STPG2: variants seen among roughly 807,000 people sequenced by gnomAD.
STPG2 encodes sperm-tail PG-rich repeat-containing protein 2.
A neutral mutation model predicts 54.2 loss-of-function variants in STPG2; 56 were observed. The ratio of observed to expected loss-of-function variants is 1.03; its 90% confidence interval spans 0.83 to 1.29. The LOEUF (loss-of-function observed/expected upper bound fraction) is 1.29, where lower values mean the gene tolerates loss of function less well. Ranked by LOEUF, STPG2 falls within the 50% of genes most tolerant of loss-of-function variation. The pLI, the probability that STPG2 is intolerant of heterozygous loss-of-function variation, is 0.00. For missense variants in STPG2, 596 were observed against 544.9 expected, an observed-to-expected ratio of 1.09 and a Z score of -0.93; for synonymous variants, 200 against 181.8, an observed-to-expected ratio of 1.10 and a Z score of -0.81.
At chr4:97,446,685 T>C (rs1729230368) in intron 4 of STPG2, among the ~76,000 whole-genome samples, 2 of 152,180 alleles carry the variant, frequency 1.3e-5, no homozygotes, top group Non-Finnish European at 2.9e-5. Flanking sequence ...GATGGTTTTA[T>C]AAGTGTTGGC....
chr4:97,973,587 G>T (rs531858655), intron 6 of STPG2, among the ~76,000 whole-genome samples: 1 of 152,324 alleles, frequency 6.6e-6, no homozygotes, highest in East Asian at 1.9e-4. Flanking sequence ...TATGTCAGAG[G>T]TCTTCATGGC....
intron 8 of STPG2, among the ~76,000 whole-genome samples, chr4:97,893,515 T>C (rs537025616): frequency 1.3e-5 from 2 of 152,048 alleles, no homozygotes; most frequent in African/African-American, 4.8e-5. Flanking sequence ...ATTTAAGCTC[T>C]TCCAACTCAC....
chr4:97,856,658 T>A (rs189188695), intron 8 of STPG2, among the ~76,000 whole-genome samples: 61 of 152,310 alleles, frequency 4.0e-4, no homozygotes, highest in Non-Finnish European at 7.4e-4. Context: ...TATTTCTTTT[T>A]CTTGCTTGAT....
chr4:97,647,610 G>A (rs1211592658), intron 10 of STPG2, among the ~76,000 whole-genome samples: 2 of 151,996 alleles, frequency 1.3e-5, no homozygotes, highest in African/African-American at 2.4e-5. Flanking sequence ...TGCTTTCTTG[G>A]AGTCAAGGTC....
intron 4 of STPG2, among the ~76,000 whole-genome samples, chr4:97,552,628 A>C (rs1731989878): frequency 1.3e-5 from 2 of 152,158 alleles, no homozygotes; most frequent in African/African-American, 2.4e-5. Context: ...TAGAGGACAC[A>C]CAAAACATAT....
chr4:97,932,493 G>C (rs900134615), intron 8 of STPG2, among the ~76,000 whole-genome samples: 5 of 152,210 alleles, frequency 3.3e-5, no homozygotes, highest in African/African-American at 1.2e-4. Context: ...ACATGCATTA[G>C]CTATTTTTCC....
intron 10 of STPG2, among the ~76,000 whole-genome samples, chr4:97,626,826 T>C (rs183300312): frequency 1.9e-3 from 291 of 152,244 alleles, no homozygotes; most frequent in African/African-American, 6.7e-3. Context: ...AGCTTTTAAG[T>C]AATTTTACAT....
chr4:97,960,413 C>T (rs1163459668), intron 7 of STPG2, among the ~76,000 whole-genome samples: 1 of 152,114 alleles, frequency 6.6e-6, no homozygotes. Context: ...AAAACTGTCA[C>T]TGTTTGCTGA....
chr4:98,027,377 T>TC (rs376953018), intron 5 of STPG2, among the ~76,000 whole-genome samples: 99 of 152,254 alleles, frequency 6.5e-4, no homozygotes, highest in African/African-American at 2.4e-3. Context: ...ATCCTAATAT[T>TC]CCCAAGAGTC....
At chr4:98,056,139 G>A (rs1232906375) in intron 5 of STPG2, among the ~76,000 whole-genome samples, 3 of 152,092 alleles carry the variant, frequency 2.0e-5, no homozygotes, top group African/African-American at 7.2e-5. Context: ...TATTGCAGAG[G>A]AAGCCTTGGC....
intron 8 of STPG2, among the ~76,000 whole-genome samples, chr4:97,843,532 A>G (rs1207717901): frequency 6.6e-6 from 1 of 151,928 alleles, no homozygotes; most frequent in African/African-American, 2.4e-5. Context: ...ATTGGCATTA[A>G]TATCTTTATT....
intron 4 of STPG2, among the ~76,000 whole-genome samples, chr4:97,468,721 C>A (rs1019184370): frequency 1.3e-5 from 2 of 152,040 alleles, no homozygotes; most frequent in African/African-American, 2.4e-5. Flanking sequence ...AGCAAATCTA[C>A]TCCCTCCCAG....
intron 5 of STPG2, among the ~76,000 whole-genome samples, chr4:98,101,663 A>C (rs1560679706): frequency 6.6e-6 from 1 of 152,100 alleles, no homozygotes; most frequent in Non-Finnish European, 1.5e-5. Flanking sequence ...ACTAAAAAAA[A>C]TTTTTACAGT....
chr4:97,900,631 A>G (rs1266644109), intron 8 of STPG2, among the ~76,000 whole-genome samples: 3 of 152,118 alleles, frequency 2.0e-5, no homozygotes, highest in Admixed American at 1.3e-4. Context: ...AGAAACATGG[A>G]TAGATCTGGA....
chr4:97,751,211 TG>T (rs1236965380), intron 9 of STPG2, among the ~76,000 whole-genome samples: 2 of 151,990 alleles, frequency 1.3e-5, no homozygotes, highest in East Asian at 3.9e-4. Context: ...AGAGAGCACC[TG>T]GAACATTGTG....
At chr4:97,454,705 G>C (rs920259448) in intron 4 of STPG2, among the ~76,000 whole-genome samples, 1 of 151,890 alleles carries the variant, frequency 6.6e-6, no homozygotes, top group African/African-American at 2.4e-5. Context: ...ATAACTAAAA[G>C]AAAATACAAA....
At chr4:97,630,418 C>G (rs1218795119) in intron 10 of STPG2, among the ~76,000 whole-genome samples, 1 of 151,722 alleles carries the variant, frequency 6.6e-6, no homozygotes, top group Non-Finnish European at 1.5e-5. Flanking sequence ...GAAATCAGAT[C>G]AATTTTTTTA....
At chr4:98,089,258 G>A (rs1738614298) in intron 5 of STPG2, among the ~76,000 whole-genome samples, 1 of 151,876 alleles carries the variant, frequency 6.6e-6, no homozygotes. Context: ...TTATACCTTT[G>A]CAGCCTCGTA....
At chr4:97,929,541 A>AT (rs1279718240) in intron 8 of STPG2, among the ~76,000 whole-genome samples, 2 of 152,000 alleles carry the variant, frequency 1.3e-5, no homozygotes, top group African/African-American at 2.4e-5. Context: ...AGAATCTTTT[A>AT]TTTTTTCACT....
Sources: gnomAD v4.1 joint callset for allele counts (sites outside exome capture counted in the v4.1 genomes callset) on GRCh38, gnomAD v4.1.1 for gene constraint, MANE v1.5 for transcripts, NCBI Gene and HGNC (gene_info 2026-07-23, HGNC 2026-07-21) for gene names.